BACH2: variants seen among roughly 807,000 people sequenced by gnomAD.
The protein encoded by BACH2 is BACH transcriptional regulator 2.
Under a neutral mutation model 61.8 loss-of-function variants are expected in BACH2, and 5 were observed. The observed-to-expected ratio is 0.08, with a 90% confidence interval of 0.04 to 0.17. The LOEUF (loss-of-function observed/expected upper bound fraction) is 0.17. BACH2 is among the 10% of genes least tolerant of loss of function. BACH2 has a pLI of 1.00. For synonymous variants in BACH2, 446 were observed against 440.1 expected (o/e 1.01, Z -0.17); for missense variants, 824 against 1,091.1 (o/e 0.76, Z 3.45).
intron 6 of BACH2, among the ~76,000 whole-genome samples, chr6:89,989,233 T>TA (rs1349950894): frequency 6.6e-6 from 1 of 152,234 alleles, no homozygotes; most frequent in Non-Finnish European, 1.5e-5. Context: ...CACACTATTG[T>TA]AAAACAAATC....
chr6:90,269,320 C>G (rs1161008613), intron 2 of BACH2, among the ~76,000 whole-genome samples: 1 of 152,056 alleles, frequency 6.6e-6, no homozygotes, highest in African/African-American at 2.4e-5. Flanking sequence ...AGTTGATACA[C>G]CAAGTTACAG....
intron 3 of BACH2, among the ~76,000 whole-genome samples, chr6:90,231,924 G>A (rs895374919): frequency 6.6e-6 from 1 of 152,118 alleles, no homozygotes; most frequent in South Asian, 2.1e-4. Flanking sequence ...CCAAACAGGA[G>A]GAAATGTACT....
intron 4 of BACH2, among the ~76,000 whole-genome samples, chr6:90,186,546 G>A (rs550353474): frequency 4.6e-4 from 70 of 152,146 alleles, no homozygotes; most frequent in Non-Finnish European, 8.4e-4. Context: ...TTTAAAACAC[G>A]GTGTTATCAA....
At chr6:90,072,848 G>A (rs886219012) in intron 5 of BACH2, among the ~76,000 whole-genome samples, 4 of 152,144 alleles carry the variant, frequency 2.6e-5, no homozygotes, top group Non-Finnish European at 5.9e-5. Context: ...AGCTGACAGA[G>A]GGTAACAAGC....
chr6:90,062,422 T>TA (rs11396791), intron 5 of BACH2, among the ~76,000 whole-genome samples: 45,750 of 151,860 alleles, frequency 0.3, 7,516 homozygotes, highest in East Asian at 0.68. Context: ...AAAGAGGTCT[T>TA]AGAGGACTTC....
rs867412754 is a variant in BACH2 at position 89,932,605 on chromosome 6, G to A, written c.2329C>T (p.Pro777Ser). ...PCCLEPGAAP[P>S]GPPWAPSNTS... is the part of the protein sequence containing the mutation. ...TTGCTGGGTGCCCAGGGGGGTCCGG[G>A]GGGAGCCGCGCCTGGCTCCAAGCAG... Residue 777 changes from proline (P) to serine (S), a missense_variant, in exon 9 of 9, where the codon CCC (proline) becomes TCC (serine). This residue lies in a region of BACH2 where 135 missense variants were observed against 142.7 expected (regional missense o/e 0.95). Coordinates refer to ENST00000257749, the MANE Select transcript of BACH2 (RefSeq NM_021813.4). The A allele has an allele frequency of 3.1e-6, 5 of 1,613,652 alleles. No homozygotes were observed. The African/African-American group carries it at 6.7e-5, about 22-fold the overall frequency.
chr6:90,105,967 G>A (rs996983525), intron 4 of BACH2, among the ~76,000 whole-genome samples: 15 of 152,146 alleles, frequency 9.9e-5, no homozygotes, highest in African/African-American at 3.6e-4. Flanking sequence ...TTTGTTTCCT[G>A]TTCTCTCCAA....
intron 4 of BACH2, among the ~76,000 whole-genome samples, chr6:90,104,730 G>C (rs973778111): frequency 6.6e-6 from 1 of 152,240 alleles, no homozygotes; most frequent in African/African-American, 2.4e-5. Flanking sequence ...GAATGGCCAA[G>C]GGCAGCTATT....
rs1772397046 is a variant in BACH2 at position 90,296,483 on chromosome 6, G to A, written c.-449C>T. The A allele has an allele frequency of 6.6e-6, 1 of 151,180 alleles. No homozygotes were observed. Among genetic ancestry groups the A allele is most frequent in the African/African-American group, 2.4e-5 (1 of 41,394 alleles). 9.4% of individuals were successfully genotyped at this position (151,180 alleles called of 1,614,324 possible). On this transcript the variant is annotated 5_prime_UTR_variant, in exon 1 of 9. Coordinates refer to ENST00000257749, the MANE Select transcript of BACH2 (RefSeq NM_021813.4). ...GGGCCCGGGGCCCGGGACTCACCTCGCCGGAGAACTTTGCGTCCTTTTCCG... is the reference window on the plus strand; with the variant it reads ...GGGCCCGGGGCCCGGGACTCACCTCACCGGAGAACTTTGCGTCCTTTTCCG...
At chr6:90,171,807 A>T (rs2127837441) in intron 4 of BACH2, among the ~76,000 whole-genome samples, 1 of 152,328 alleles carries the variant, frequency 6.6e-6, no homozygotes, top group South Asian at 2.1e-4. Flanking sequence ...ATGAACAAGG[A>T]AGATTTCAAA....
At chr6:90,155,496 G>T (rs1164409817) in intron 4 of BACH2, among the ~76,000 whole-genome samples, 1 of 152,174 alleles carries the variant, frequency 6.6e-6, no homozygotes, top group Non-Finnish European at 1.5e-5. Flanking sequence ...TAGCAATCAG[G>T]TTTCGCCTTT....
chr6:90,002,842 G>A (rs1481941389), intron 6 of BACH2, among the ~76,000 whole-genome samples: 1 of 152,044 alleles, frequency 6.6e-6, no homozygotes, highest in South Asian at 2.1e-4. Flanking sequence ...CTCAGTCTTC[G>A]CTTCACCCAT....
At chr6:90,121,534 TATTA>T (rs909995478) in intron 4 of BACH2, among the ~76,000 whole-genome samples, 4 of 152,216 alleles carry the variant, frequency 2.6e-5, no homozygotes, top group Non-Finnish European at 4.4e-5. Flanking sequence ...CTTTGCATTT[TATTA>T]ATTAATTAAT....
rs973365452 is a variant in BACH2, at chr6:89,927,270, G to T, written c.*5138C>A. On this transcript the variant is annotated 3_prime_UTR_variant, in exon 9 of 9. Coordinates refer to ENST00000257749, the MANE Select transcript of BACH2 (RefSeq NM_021813.4). ...AGGTGCCATGTCTTTATGTCAGAGC[G>T]TGAAACGGGCATCCCAGGATTTGCA... 4.6e-5 allele frequency: 7 copies of T among 151,680 alleles called. No individual in the cohort carries two copies. Among genetic ancestry groups the T allele is most frequent in the Admixed American group, 4.6e-4 (7 of 15,258 alleles). 9.4% of individuals were successfully genotyped at this position (151,680 alleles called of 1,614,324 possible). A position where few individuals can be genotyped will look rare whatever the true frequency, so the allele number is the denominator to read the frequency against.
chr6:90,214,229 G>A (rs1432917791), intron 3 of BACH2, among the ~76,000 whole-genome samples: 1 of 152,136 alleles, frequency 6.6e-6, no homozygotes, highest in Non-Finnish European at 1.5e-5. Flanking sequence ...GATTGAGAAG[G>A]CTGAATTATA....
At chr6:90,028,783 A>G (rs1001351840) in intron 5 of BACH2, among the ~76,000 whole-genome samples, 2 of 152,134 alleles carry the variant, frequency 1.3e-5, no homozygotes, top group African/African-American at 4.8e-5. Flanking sequence ...GTGCCAGCCT[A>G]CCTGGCTTTG....
chr6:90,076,971 G>A (rs1007570866), intron 5 of BACH2, among the ~76,000 whole-genome samples: 1 of 152,164 alleles, frequency 6.6e-6, no homozygotes, highest in Non-Finnish European at 1.5e-5. Flanking sequence ...GTGACTGAGT[G>A]CATTAAACCA....
chr6:89,999,829 C>G (rs1023102800), intron 6 of BACH2, among the ~76,000 whole-genome samples: 1 of 152,104 alleles, frequency 6.6e-6, no homozygotes, highest in East Asian at 1.9e-4. Flanking sequence ...CTTTCAGAGG[C>G]CTTGTCATAA....
intron 3 of BACH2, among the ~76,000 whole-genome samples, chr6:90,226,625 T>G (rs1327259254): frequency 6.6e-6 from 1 of 152,172 alleles, no homozygotes; most frequent in East Asian, 1.9e-4. Context: ...TGCTATTTTA[T>G]AAGTCTATAT....
Sources: allele counts gnomAD v4.1 joint callset (sites outside exome capture counted in the v4.1 genomes callset), GRCh38; gene constraint gnomAD v4.1.1; regional missense constraint gnomAD v4.1.1; transcripts MANE v1.5; gene names NCBI Gene and HGNC (gene_info 2026-07-23, HGNC 2026-07-21).